AKAP19: variants seen among roughly 807,000 people sequenced by gnomAD.
AKAP19 encodes small A-kinase anchoring protein.
chr2:189,923,499 T>A, the AKAP19 span: 1 of 1,613,894 alleles, frequency 6.2e-7, no homozygotes, highest in Non-Finnish European at 8.5e-7. Context: ...TTTGCCTTCT[T>A]TCAGTATGTT....
the AKAP19 span, among the ~76,000 whole-genome samples, chr2:189,926,372 G>A: frequency 6.6e-6 from 1 of 152,014 alleles, no homozygotes; most frequent in Non-Finnish European, 1.5e-5. Flanking sequence ...TAGGCTCACT[G>A]CAAACTCCGC....
At chr2:190,118,067 C>T in the AKAP19 span, among the ~76,000 whole-genome samples, 1 of 152,106 alleles carries the variant, frequency 6.6e-6, no homozygotes, top group Non-Finnish European at 1.5e-5. Context: ...TACAAACTAC[C>T]ATCAGAGAGT....
At chr2:189,926,405 C>CT in the AKAP19 span, among the ~76,000 whole-genome samples, 2 of 151,912 alleles carry the variant, frequency 1.3e-5, no homozygotes, top group Non-Finnish European at 2.9e-5. Context: ...CGCCATTCTC[C>CT]TGCCTCAGCC....
the AKAP19 span, among the ~76,000 whole-genome samples, chr2:190,048,766 TAGG>T: frequency 3.9e-5 from 6 of 152,150 alleles, no homozygotes; most frequent in African/African-American, 9.7e-5. Context: ...ATGTGGTTAT[TAGG>T]AGATGTCCAT....
At chr2:189,908,907 T>G in the AKAP19 span, among the ~76,000 whole-genome samples, 1 of 152,154 alleles carries the variant, frequency 6.6e-6, no homozygotes, top group East Asian at 1.9e-4. Flanking sequence ...CAGTGTTTCC[T>G]TATTCATTTT....
At chr2:190,015,921 G>A in the AKAP19 span, among the ~76,000 whole-genome samples, 9 of 152,320 alleles carry the variant, frequency 5.9e-5, no homozygotes, top group East Asian at 1.5e-3. Context: ...AGCATAGCAA[G>A]AGTGACCTTT....
chr2:189,884,483 A>G, the AKAP19 span, among the ~76,000 whole-genome samples: 26 of 152,186 alleles, frequency 1.7e-4, no homozygotes, highest in Non-Finnish European at 2.9e-4. Flanking sequence ...CTGTTGTAGA[A>G]GAAACACTTC....
chr2:189,987,342 T>A, the AKAP19 span, among the ~76,000 whole-genome samples: 1 of 152,208 alleles, frequency 6.6e-6, no homozygotes, highest in Non-Finnish European at 1.5e-5. Context: ...GAACTGTAAG[T>A]CCAATTAAAC....
the AKAP19 span, among the ~76,000 whole-genome samples, chr2:190,117,310 T>A: frequency 6.6e-6 from 1 of 152,182 alleles, no homozygotes; most frequent in Admixed American, 6.5e-5. Flanking sequence ...TAGGCTACAA[T>A]GGGAATGAAA....
chr2:190,143,891 AATC>A, the AKAP19 span, among the ~76,000 whole-genome samples: 1 of 149,378 alleles, frequency 6.7e-6, no homozygotes, highest in Admixed American at 6.7e-5. Context: ...TGAAATTGGA[AATC>A]ATCATTCTCA....
the AKAP19 span, among the ~76,000 whole-genome samples, chr2:189,975,625 G>A: frequency 4.6e-5 from 7 of 152,128 alleles, no homozygotes; most frequent in Non-Finnish European, 1.0e-4. Flanking sequence ...CACCAATCAG[G>A]TGTAGATTTG....
chr2:189,975,948 G>A, the AKAP19 span, among the ~76,000 whole-genome samples: 1 of 152,154 alleles, frequency 6.6e-6, no homozygotes, highest in Non-Finnish European at 1.5e-5. Flanking sequence ...TTAGCTCAGA[G>A]AAGTTTGATC....
chr2:190,189,066 G>C, the AKAP19 span, among the ~76,000 whole-genome samples: 1 of 152,262 alleles, frequency 6.6e-6, no homozygotes, highest in Non-Finnish European at 1.5e-5. Context: ...CTAGTCCTGG[G>C]GTAGTAGTAC....
the AKAP19 span, among the ~76,000 whole-genome samples, chr2:189,922,920 C>T: frequency 1.6e-3 from 237 of 152,106 alleles, 2 homozygotes; most frequent in Middle Eastern, 0.034. Flanking sequence ...GAGGCTGAGG[C>T]GGATGGATTG....
the AKAP19 span, among the ~76,000 whole-genome samples, chr2:189,935,208 C>T: frequency 1.7e-4 from 26 of 151,860 alleles, no homozygotes; most frequent in Non-Finnish European, 2.5e-4. Context: ...CATATTGTTG[C>T]TTGTTATAAG....
the AKAP19 span, among the ~76,000 whole-genome samples, chr2:189,998,978 G>A: frequency 2.0e-5 from 3 of 151,510 alleles, no homozygotes; most frequent in African/African-American, 4.8e-5. Context: ...TACCATGTTG[G>A]CTAGGCTGAT....
At chr2:190,063,600 A>G in the AKAP19 span, among the ~76,000 whole-genome samples, 1 of 152,174 alleles carries the variant, frequency 6.6e-6, no homozygotes, top group Admixed American at 6.6e-5. Flanking sequence ...GAGAGTAAAA[A>G]GTGCAGTATC....
chr2:190,069,168 G>C, the AKAP19 span, among the ~76,000 whole-genome samples: 72 of 145,362 alleles, frequency 5.0e-4, no homozygotes, highest in Middle Eastern at 3.5e-3. Flanking sequence ...GTGTGTGTGT[G>C]TGTGTGTGAG....
chr2:190,007,675 T>C, the AKAP19 span, among the ~76,000 whole-genome samples: 1 of 152,086 alleles, frequency 6.6e-6, no homozygotes, highest in Non-Finnish European at 1.5e-5. Flanking sequence ...AAATATTGAA[T>C]GCTGGCCAGG....
Sources: gnomAD v4.1 joint callset for allele counts (sites outside exome capture counted in the v4.1 genomes callset) on GRCh38, gnomAD v4.1.1 for gene constraint, MANE v1.5 for transcripts, NCBI Gene and HGNC (gene_info 2026-07-23, HGNC 2026-07-21) for gene names.